The following RTN1 variants were observed in gnomAD, a reference collection of about 807,000 sequenced individuals.
RTN1 encodes the protein reticulon-1.
Under a neutral mutation model 65.5 loss-of-function variants are expected in RTN1, and 25 were observed. That is an observed-to-expected ratio of 0.38 (90% confidence interval 0.28 to 0.53). RTN1 has a LOEUF of 0.53. Ranked by LOEUF, RTN1 falls within the 20% of genes least tolerant of loss-of-function variation. RTN1 has a pLI of 0.79. For synonymous variants in RTN1, 471 were observed against 447.6 expected (o/e 1.05, Z -0.66); for missense variants, 983 against 1,025.4 (o/e 0.96, Z 0.57).
chr14:59,843,688 A>C (rs1273982522), intron 1 of RTN1, among the ~76,000 whole-genome samples: 1 of 152,186 alleles, frequency 6.6e-6, no homozygotes, highest in Non-Finnish European at 1.5e-5. Context: ...GAGTGGGAGA[A>C]ATTTGAGCAC....
intron 1 of RTN1, among the ~76,000 whole-genome samples, chr14:59,784,490 T>C (rs181192442): frequency 6.6e-6 from 1 of 152,252 alleles, no homozygotes; most frequent in African/African-American, 2.4e-5. Context: ...ACTTTAATTA[T>C]TGCATCTATG....
chr14:59,666,962 C>CAAAAAAAAA (rs146213616), intron 3 of RTN1, among the ~76,000 whole-genome samples: 5 of 60,104 alleles, frequency 8.3e-5, no homozygotes, highest in Admixed American at 2.2e-4. Flanking sequence ...GCCGACCAAC[C>CAAAAAAAAA]AAAAAAAAAA....
intron 3 of RTN1, among the ~76,000 whole-genome samples, chr14:59,664,289 G>A (rs941480912): frequency 2.0e-5 from 3 of 152,076 alleles, no homozygotes; most frequent in African/African-American, 7.2e-5. Context: ...GACACAGGGA[G>A]GGGAACATCA....
At chr14:59,631,406 G>C (rs1022356246) in intron 3 of RTN1, among the ~76,000 whole-genome samples, 2 of 152,198 alleles carry the variant, frequency 1.3e-5, no homozygotes, top group Non-Finnish European at 2.9e-5. Flanking sequence ...ACAGAACTCA[G>C]GGAAGCAAAG....
intron 3 of RTN1, among the ~76,000 whole-genome samples, chr14:59,709,807 C>T (rs1884376839): frequency 6.6e-6 from 1 of 152,130 alleles, no homozygotes; most frequent in African/African-American, 2.4e-5. Flanking sequence ...AGGGATTTGT[C>T]TATCTACTCT....
At chr14:59,724,277 G>A (rs542871860) in intron 3 of RTN1, among the ~76,000 whole-genome samples, 2 of 152,274 alleles carry the variant, frequency 1.3e-5, no homozygotes, top group East Asian at 3.9e-4. Context: ...GTTAGAGCAC[G>A]TGCACCAGTT....
Position 59,726,829 on chromosome 14 carries a change from T to C in RTN1, c.1765+90A>G, listed in dbSNP as rs1884770860. 3 of 1,142,308 alleles carry C rather than the reference T, an allele frequency of 2.6e-6. No individual in the cohort carries two copies. In the African/African-American group the frequency reaches 4.7e-5, roughly 18 times the overall value. The allele number at this position is 1,142,308 out of a possible 1,614,324, so 70.8% of individuals were successfully genotyped here. A position where few individuals can be genotyped will look rare whatever the true frequency, so the allele number is the denominator to read the frequency against. On this transcript the variant is annotated intron_variant, in intron 3 of 8. Transcript: ENST00000267484. ...ACTGTTTGATCAGCATGGGGATGAC[T>C]CCAGGGCTGAGCCAGAACCGCCCCT... is the stretch of plus-strand genomic sequence containing the variant.
intron 6 of RTN1, 23 bp from the exon 7 acceptor site, chr14:59,603,281 T>C: frequency 1.3e-6 from 2 of 1,596,706 alleles, no homozygotes; most frequent in East Asian, 2.2e-5. Flanking sequence ...ACAAATATAG[T>C]ATTAAAATTC....
intron 3 of RTN1, among the ~76,000 whole-genome samples, chr14:59,663,844 T>C (rs1883305261): frequency 6.6e-6 from 1 of 152,060 alleles, no homozygotes; most frequent in South Asian, 2.1e-4. Flanking sequence ...TGTGGAGAAA[T>C]AGGAATGCTA....
At chr14:59,824,055 T>C (rs1886989184) in intron 1 of RTN1, among the ~76,000 whole-genome samples, 2 of 152,212 alleles carry the variant, frequency 1.3e-5, no homozygotes, top group South Asian at 4.1e-4. Context: ...AGTTTCCTCA[T>C]ATGTCAAACA....
chr14:59,600,314 C>T (rs1881540910), intron 8 of RTN1, among the ~76,000 whole-genome samples: 1 of 152,032 alleles, frequency 6.6e-6, no homozygotes, highest in Non-Finnish European at 1.5e-5. Flanking sequence ...TTTCCTACAT[C>T]CAAGTAAGAA....
At position 59,774,998 on chromosome 14, in the gene RTN1, C is replaced by T. The variant is rs575353121; in HGVS notation, c.242-28517G>A. The stretch of plus-strand genomic sequence containing the variant: ...ATCTATGGCAGAGATGGCTTCCTAG[C>T]CACCTATTCATGCCACTCTGCCACA... On this transcript the variant is annotated intron_variant, in intron 1 of 8. Coordinates refer to ENST00000267484, the MANE Select transcript of RTN1 (RefSeq NM_021136.3). This position sits in a 1 kb window ranked among gnomAD's most constrained non-coding sequence, Gnocchi z 5.1. 2.0e-5 allele frequency among the ~76,000 whole-genome samples: 3 copies of T among 152,268 alleles called. No homozygotes were observed. The East Asian group carries it at 5.8e-4, about 29-fold the overall frequency.
At chr14:59,837,003 C>A (rs1887223191) in intron 1 of RTN1, among the ~76,000 whole-genome samples, 1 of 151,464 alleles carries the variant, frequency 6.6e-6, no homozygotes, top group Non-Finnish European at 1.5e-5. Flanking sequence ...AAAATAATTT[C>A]CCACACAGAA....
At chr14:59,718,628 G>A (rs562953916) in intron 3 of RTN1, among the ~76,000 whole-genome samples, 22 of 152,134 alleles carry the variant, frequency 1.4e-4, no homozygotes, top group African/African-American at 4.6e-4. Flanking sequence ...TATTAAACCC[G>A]TTGCTTGGCC....
rs1309914145 is a variant in RTN1 at position 59,870,551 on chromosome 14, T to C, written c.80A>G (p.Glu27Gly). Reference sequence around the variant, plus strand: ...CGGCGTCACCGCTTCGTTCTCCCCCTCCCCCCGGTGCCTGAGCCACTGGGA... The same window carrying C: ...CGGCGTCACCGCTTCGTTCTCCCCCCCCCCCCGGTGCCTGAGCCACTGGGA... ...PGSQWLRHRG[E>G]GENEAVTPKG... The change falls in exon 1 of 9, where the codon GAG becomes GGG. Residue 27 changes from glutamate (E) to glycine (G), a missense_variant. Glu to Gly is a moderately conservative substitution (Grantham distance 98). Coordinates refer to ENST00000267484, the MANE Select transcript of RTN1 (RefSeq NM_021136.3). This position sits in a 1 kb window ranked among gnomAD's most constrained non-coding sequence, Gnocchi z 5.1. 1 of 1,455,010 alleles carries C rather than the reference T, an allele frequency of 6.9e-7. No homozygotes were observed. The allele number at this position is 1,455,010 out of a possible 1,614,324, so 90.1% of individuals were successfully genotyped here.
At chr14:59,704,709 G>A (rs1884254080) in intron 3 of RTN1, among the ~76,000 whole-genome samples, 1 of 152,136 alleles carries the variant, frequency 6.6e-6, no homozygotes, top group African/African-American at 2.4e-5. Context: ...GGAGAGAAGG[G>A]TACGAAAATG....
At position 59,870,584 on chromosome 14, in the gene RTN1, C is replaced by A. The variant is rs770077906; in HGVS notation, c.47G>T (p.Gly16Val). ...GTGCCTGAGCCACTGGGACCCGGGGCCGGCCAGCGGCAGCAGCTCGTCCTG... is the reference window on the plus strand; with the variant it reads ...GTGCCTGAGCCACTGGGACCCGGGGACGGCCAGCGGCAGCAGCTCGTCCTG... ...DPQDELLPLA[G>V]PGSQWLRHRG... The change falls in exon 1 of 9, where the codon GGC becomes GTC. Residue 16 changes from glycine to valine, a missense_variant. Gly to Val is a moderately radical substitution (Grantham distance 109, BLOSUM62 -3). Transcript: ENST00000267484. The surrounding 1 kb of genome is among the most constrained non-coding windows in gnomAD (Gnocchi z 5.1). 3 of 1,448,556 alleles carry A rather than the reference C, an allele frequency of 2.1e-6. No homozygotes were observed. The highest frequency in any genetic ancestry group is 2.7e-6 in the Non-Finnish European group (3 of 1,105,456). 89.7% of individuals were successfully genotyped at this position (1,448,556 alleles called of 1,614,324 possible).
At chr14:59,622,166 T>G (rs567582375) in intron 3 of RTN1, among the ~76,000 whole-genome samples, 1 of 152,224 alleles carries the variant, frequency 6.6e-6, no homozygotes, top group South Asian at 2.1e-4. Flanking sequence ...TGAAACCCTG[T>G]GTCTACTAAA....
At chr14:59,747,717 G>A (rs1346995189) in intron 1 of RTN1, among the ~76,000 whole-genome samples, 3 of 152,122 alleles carry the variant, frequency 2.0e-5, no homozygotes, top group African/African-American at 4.8e-5. Flanking sequence ...CATACATTGA[G>A]GCGTCACTAT....
Sources: gnomAD v4.1 joint callset for allele counts (sites outside exome capture counted in the v4.1 genomes callset) on GRCh38, gnomAD v4.1.1 for gene constraint, Gnocchi (gnomAD v3.1) non-coding constraint, MANE v1.5 for transcripts, NCBI Gene and HGNC (gene_info 2026-07-23, HGNC 2026-07-21) for gene names.